Variants in LSMEM2 observed in about 807,000 individuals in gnomAD.
The protein encoded by LSMEM2 is leucine rich single-pass membrane protein 2.
In LSMEM2, 20 loss-of-function variants were observed where a neutral mutation model predicts 17.3. That is an observed-to-expected ratio of 1.16 (90% CI 0.81 to 1.68). LSMEM2 has a LOEUF of 1.68. Ranked by LOEUF, LSMEM2 falls within the 40% of genes most tolerant of loss-of-function variation. LSMEM2 has a pLI of 0.00. For missense variants in LSMEM2, 207 were observed against 214.3 expected (o/e 0.97, Z 0.21); for synonymous variants, 94 against 97.8 (o/e 0.96, Z 0.23).
rs2109272379 is a variant in LSMEM2 at position 50,287,415 on chromosome 3, C to T, written c.*213C>T. ...CCAAGCCTCTGGTGCCAAAGCCTCG[C>T]TTTGGGTGGCCCAAGGTCAGGGGAA... On this transcript the variant is annotated 3_prime_UTR_variant, in exon 4 of 4. Coordinates refer to ENST00000316436, the MANE Select transcript of LSMEM2 (RefSeq NM_153215.3). 4.4e-6 allele frequency: 3 copies of T among 677,578 alleles called. No individual in the cohort carries two copies. Among genetic ancestry groups the T allele is most frequent in the Non-Finnish European group, 7.3e-6 (3 of 411,980 alleles). 42.0% of individuals were successfully genotyped at this position (677,578 alleles called of 1,614,324 possible).
At chr3:50,284,481 G>C (rs928823724) in intron 1 of LSMEM2, among the ~76,000 whole-genome samples, 2 of 151,884 alleles carry the variant, frequency 1.3e-5, no homozygotes, top group South Asian at 4.2e-4. Context: ...TGTAATCCCA[G>C]CATTTTGAGA....
In LSMEM2 at chr3:50,287,165, G is replaced by A. The variant is rs373555383; in HGVS notation, c.458G>A (p.Arg153Gln). The change falls in exon 4 of 4, where the codon CGG (arginine) becomes CAG (glutamine). Residue 153 changes from arginine (R) to glutamine (Q), a missense_variant. Coordinates refer to ENST00000316436, the MANE Select transcript of LSMEM2 (RefSeq NM_153215.3). The part of the protein sequence containing the change: ...KLRLASLSQL[R>Q]RLNSSEAQAP... ...CGCTTGGCCAGCCTCAGCCAGCTTCGGAGGCTCAACTCCAGTGAGGCCCAA... is the reference window on the plus strand; with the variant it reads ...CGCTTGGCCAGCCTCAGCCAGCTTCAGAGGCTCAACTCCAGTGAGGCCCAA... 27 of 1,613,954 alleles carry A rather than the reference G, an allele frequency of 1.7e-5. No homozygotes were observed. The highest frequency in any genetic ancestry group is 4.0e-5 in the African/African-American group (3 of 74,884).
Position 50,284,227 on chromosome 3 carries a change from C to T in LSMEM2, c.59-2244C>T, listed in dbSNP as rs907260055. ...TCAAAAAAAAAAAAAAAAAAAAAAGCGCCACACACGTATTAGTCACACTCC... is the reference window on the plus strand; with the variant it reads ...TCAAAAAAAAAAAAAAAAAAAAAAGTGCCACACACGTATTAGTCACACTCC... On this transcript the variant is annotated intron_variant, in intron 1 of 3. Coordinates refer to ENST00000316436, the MANE Select transcript of LSMEM2 (RefSeq NM_153215.3). Among the ~76,000 whole-genome samples, 57 of 137,692 alleles carry T rather than the reference C, an allele frequency of 4.1e-4. 1 individual carries two copies. The highest frequency in any genetic ancestry group is 1.5e-3 in the Admixed American group (20 of 13,144). The allele number at this position is 137,692 out of a possible 152,430, so 90.3% of individuals were successfully genotyped here.
intron 1 of LSMEM2, among the ~76,000 whole-genome samples, chr3:50,286,209 G>A (rs782412821): frequency 1.5e-4 from 23 of 152,338 alleles, no homozygotes; most frequent in Non-Finnish European, 2.4e-4. Flanking sequence ...AGCAGGCAGA[G>A]GAATGCCTGA....
At position 50,286,814 on chromosome 3, in the gene LSMEM2, C is replaced by T; in HGVS notation, c.313C>T (p.Leu105=). 6.2e-7 allele frequency: 1 copy of T among 1,614,058 alleles called. No homozygotes were observed. Among genetic ancestry groups the T allele is most frequent in the Non-Finnish European group, 8.5e-7 (1 of 1,180,032 alleles). The change falls in exon 3 of 4, where the codon CTG becomes TTG. Residue 105 remains leucine (L), a synonymous_variant. Transcript: ENST00000316436. ...AGGGTTCCTGCTGCTGCTCGCGCTG[C>T]TGGTGCTCACTTGCCTAGTGCTCGC... The part of the protein sequence containing the change: ...RGGFLLLLAL[L]VLTCLVLALL...
intron 1 of LSMEM2, among the ~76,000 whole-genome samples, chr3:50,282,890 AAC>A (rs1358095152): frequency 2.0e-5 from 3 of 151,888 alleles, no homozygotes; most frequent in African/African-American, 7.3e-5. Context: ...TCTCAAAAAA[AAC>A]AGACAAACAA....
chr3:50,283,423 C>T (rs1190938055), intron 1 of LSMEM2, among the ~76,000 whole-genome samples: 3 of 151,872 alleles, frequency 2.0e-5, no homozygotes, highest in Non-Finnish European at 2.9e-5. Context: ...GTTAGGAGAT[C>T]GAGACTATCC....
intron 1 of LSMEM2, among the ~76,000 whole-genome samples, chr3:50,282,639 C>A (rs587775477): frequency 6.6e-6 from 1 of 152,254 alleles, no homozygotes; most frequent in African/African-American, 2.4e-5. Context: ...AAACCCAGCA[C>A]TTTGGGAGGA....
At chr3:50,281,250 C>T (rs191311634) in intron 1 of LSMEM2, among the ~76,000 whole-genome samples, 142 of 148,306 alleles carry the variant, frequency 9.6e-4, no homozygotes, top group Non-Finnish European at 1.1e-3. Flanking sequence ...TTAGTAGAGA[C>T]GGGGTTTCAC....
At chr3:50,282,933 T>G (rs1485638720) in intron 1 of LSMEM2, among the ~76,000 whole-genome samples, 2 of 150,684 alleles carry the variant, frequency 1.3e-5, no homozygotes, top group African/African-American at 4.9e-5. Flanking sequence ...ATGCCTGTAA[T>G]CCCAGCACTT....
At position 50,288,044 on chromosome 3, in the gene LSMEM2, C is replaced by A; in HGVS notation, c.*842C>A. Reference sequence around the variant, plus strand: ...GGGTCAGGGTCCCAAGTGTCCGGGCCCCCAGCTACCCACCCCATGTCTGTT... The same window carrying A: ...GGGTCAGGGTCCCAAGTGTCCGGGCACCCAGCTACCCACCCCATGTCTGTT... On this transcript the variant is annotated 3_prime_UTR_variant, in exon 4 of 4. Coordinates refer to ENST00000316436, the MANE Select transcript of LSMEM2 (RefSeq NM_153215.3). 1 of 722,082 alleles carries A rather than the reference C, an allele frequency of 1.4e-6. No homozygotes were observed. The highest frequency in any genetic ancestry group is 2.7e-5 in the East Asian group (1 of 36,664). 44.7% of individuals were successfully genotyped at this position (722,082 alleles called of 1,614,324 possible).
intron 1 of LSMEM2, among the ~76,000 whole-genome samples, chr3:50,279,866 T>C (rs1325329456): frequency 2.0e-5 from 3 of 151,564 alleles, no homozygotes; most frequent in South Asian, 2.1e-4. Flanking sequence ...GCTCCTCTTA[T>C]CACATTTTCA....
intron 1 of LSMEM2, among the ~76,000 whole-genome samples, chr3:50,280,138 G>A (rs1206830970): frequency 3.6e-5 from 5 of 139,074 alleles, no homozygotes; most frequent in Non-Finnish European, 7.6e-5. Context: ...CTCCCAAAGT[G>A]TTGGGATTAC....
intron 1 of LSMEM2, among the ~76,000 whole-genome samples, chr3:50,281,297 T>C (rs1553707741): frequency 2.0e-5 from 3 of 151,060 alleles, no homozygotes; most frequent in African/African-American, 7.3e-5. Context: ...CCTGACCTCG[T>C]GACCTGCCCA....
In LSMEM2 at chr3:50,283,227, C is replaced by T. The variant is rs782095986; in HGVS notation, c.59-3244C>T. Among the ~76,000 whole-genome samples the T allele has an allele frequency of 2.2e-4, 34 of 152,130 alleles. 2 individuals are homozygous for T. The highest frequency in any genetic ancestry group is 1.4e-4 in the African/African-American group (6 of 41,534). On this transcript the variant is annotated intron_variant, in intron 1 of 3. Coordinates refer to ENST00000316436, the MANE Select transcript of LSMEM2 (RefSeq NM_153215.3). The stretch of plus-strand genomic sequence containing the variant: ...GAAACACCGGCTGGGTGCGATGGCT[C>T]ACGCCTATAATCCCAGCACTTTGGG...
In LSMEM2 at chr3:50,281,282, G is replaced by C. The variant is rs28649044; in HGVS notation, c.58+2111G>C. ...TCACTGTGTTAGCCAGGATGGTCTC[G>C]ATCTCCTGACCTCGTGACCTGCCCA... On this transcript the variant is annotated intron_variant, in intron 1 of 3. Coordinates refer to ENST00000316436, the MANE Select transcript of LSMEM2 (RefSeq NM_153215.3). Among the ~76,000 whole-genome samples, 1,170 of 148,570 alleles carry C rather than the reference G, an allele frequency of 7.9e-3. 15 individuals are homozygous for C. The highest frequency in any genetic ancestry group is 0.028 in the African/African-American group (1,121 of 40,204).
rs1028639561 is a variant in LSMEM2, at chr3:50,287,664, G to A, written c.*462G>A. On this transcript the variant is annotated 3_prime_UTR_variant, in exon 4 of 4. Coordinates refer to ENST00000316436, the MANE Select transcript of LSMEM2 (RefSeq NM_153215.3). ...TGCCTTGGAGGGCAAAGGTGACATC[G>A]TGGAAGACCAGTTGGGCCCAAGCCT... The A allele has an allele frequency of 7.1e-5, 16 of 224,076 alleles. No individual in the cohort carries two copies. The highest frequency in any genetic ancestry group is 1.8e-4 in the African/African-American group (8 of 44,174). The allele number at this position is 224,076 out of a possible 1,614,324, so 13.9% of individuals were successfully genotyped here.
intron 1 of LSMEM2, among the ~76,000 whole-genome samples, chr3:50,281,059 T>A (rs4688681): frequency 1.3e-4 from 16 of 125,738 alleles, no homozygotes; most frequent in Admixed American, 1.1e-3. Flanking sequence ...AAGAGGGAAA[T>A]TTTTTTTTTT....
rs1375746755 is a variant in LSMEM2 at position 50,284,430 on chromosome 3, T to C, written c.59-2041T>C. Among the ~76,000 whole-genome samples, 4 of 151,204 alleles carry C rather than the reference T, an allele frequency of 2.6e-5. No homozygotes were observed. In the East Asian group the frequency reaches 7.9e-4, roughly 30 times the overall value. ...GTGCTTCTGGAGGACAGTTTGGTAA[T>C]AGCTTTAAAAAAAATCAGGCCGGGC... On this transcript the variant is annotated intron_variant, in intron 1 of 3. Coordinates refer to ENST00000316436, the MANE Select transcript of LSMEM2 (RefSeq NM_153215.3).
Sources: gnomAD v4.1 joint callset for allele counts (sites outside exome capture counted in the v4.1 genomes callset) on GRCh38, gnomAD v4.1.1 for gene constraint, MANE v1.5 for transcripts, NCBI Gene and HGNC (gene_info 2026-07-23, HGNC 2026-07-21) for gene names.